Variants in TBC1D12 observed in about 807,000 individuals in gnomAD.
The protein encoded by TBC1D12 is TBC1 domain family, member 12.
In TBC1D12, 56 loss-of-function variants were observed where a neutral mutation model predicts 86.7. The observed-to-expected ratio is 0.65, with a 90% CI of 0.52 to 0.81. TBC1D12 has a LOEUF of 0.81. Ranked by LOEUF, TBC1D12 falls within the 30% of genes least tolerant of loss-of-function variation. TBC1D12 has a pLI of 0.00. For missense variants in TBC1D12, 1,023 were observed against 1,038.8 expected (o/e 0.98, Z 0.21); for synonymous variants, 421 against 411.7 (o/e 1.02, Z -0.27).
chr10:94,531,911 T>TTATGTTATGTTATGTTATG (rs1452772265), intron 12 of TBC1D12, among the ~76,000 whole-genome samples: 77 of 72,034 alleles, frequency 1.1e-3, no homozygotes, highest in East Asian at 2.0e-3. Context: ...GTTATGTTAT[T>TTATGTTATGTTATGTTATG]TTATTGTCAC....
chr10:94,403,291 C>T lies in TBC1D12; in HGVS notation c.678C>T (p.Ser226=), dbSNP rs1400080647. 7.3e-6 allele frequency: 11 copies of T among 1,500,286 alleles called. No homozygotes were observed. Among genetic ancestry groups the T allele is most frequent in the Non-Finnish European group, 9.8e-6 (11 of 1,126,394 alleles). 92.9% of individuals were successfully genotyped at this position (1,500,286 alleles called of 1,614,324 possible). A position where few individuals can be genotyped will look rare whatever the true frequency, so the allele number is the denominator to read the frequency against. The change falls in exon 1 of 13, where the codon AGC becomes AGT. Residue 226 remains serine, a synonymous_variant. Transcript: ENST00000225235. ...GSDSGDSPAS[S]CSSSEDSEQR... ...ACTCGGGGGACAGCCCCGCCAGCAG[C>T]TGCAGCAGTAGCGAGGACTCAGAGC...
At chr10:94,432,852 T>C (rs1373187127) in intron 1 of TBC1D12, among the ~76,000 whole-genome samples, 1 of 152,022 alleles carries the variant, frequency 6.6e-6, no homozygotes, top group Non-Finnish European at 1.5e-5. Flanking sequence ...CTGAAAGACT[T>C]ACTGTTATTT....
chr10:94,447,971 G>A (rs1017619264), intron 2 of TBC1D12, among the ~76,000 whole-genome samples: 11 of 150,804 alleles, frequency 7.3e-5, no homozygotes, highest in African/African-American at 7.3e-5. Flanking sequence ...TTTTATATTG[G>A]CATCTTTAAT....
chr10:94,484,721 A>G (rs1017282167), intron 3 of TBC1D12, among the ~76,000 whole-genome samples: 19 of 152,134 alleles, frequency 1.2e-4, no homozygotes, highest in Admixed American at 5.2e-4. Flanking sequence ...GATTCTTCCA[A>G]TCCATGAACA....
chr10:94,531,905 TGTTA>T (rs1842443179), intron 12 of TBC1D12, among the ~76,000 whole-genome samples: 1 of 151,418 alleles, frequency 6.6e-6, no homozygotes, highest in Non-Finnish European at 1.5e-5. Context: ...TGTTATGTTA[TGTTA>T]TTTTATTGTC....
intron 3 of TBC1D12, among the ~76,000 whole-genome samples, chr10:94,488,192 C>G (rs919832362): frequency 6.6e-6 from 1 of 150,570 alleles, no homozygotes; most frequent in African/African-American, 2.4e-5. Flanking sequence ...TCCAGGCTAG[C>G]CTGGCCAACA....
At chr10:94,494,343 A>G (rs979017033) in intron 4 of TBC1D12, among the ~76,000 whole-genome samples, 1 of 152,168 alleles carries the variant, frequency 6.6e-6, no homozygotes, top group Non-Finnish European at 1.5e-5. Context: ...ACTTAAGTTA[A>G]TGGACTGTTA....
At position 94,507,403 on chromosome 10, in the gene TBC1D12, T is replaced by C. The variant is rs921008111; in HGVS notation, c.1600+56T>C. The C allele has an allele frequency of 5.6e-6, 8 of 1,423,262 alleles. No individual in the cohort carries two copies. The Admixed American group carries it at 1.0e-4, about 18-fold the overall frequency. The allele number at this position is 1,423,262 out of a possible 1,614,324, so 88.2% of individuals were successfully genotyped here. On this transcript the variant is annotated intron_variant, in intron 7 of 12. Coordinates refer to ENST00000225235, the MANE Select transcript of TBC1D12 (RefSeq NM_015188.2). ...AGGATGAAAATTCAGATACTGAGCA[T>C]GTATCAGAAGCTGTAGTAATCGCTT...
chr10:94,523,006 C>T (rs1327662841), intron 11 of TBC1D12, among the ~76,000 whole-genome samples: 1 of 141,640 alleles, frequency 7.1e-6, no homozygotes, highest in East Asian at 2.1e-4. Flanking sequence ...GATTGCGATA[C>T]TGCACTCCAG....
intron 1 of TBC1D12, 136 bp downstream of exon 1, chr10:94,403,720 G>A: frequency 2.7e-6 from 3 of 1,102,226 alleles, no homozygotes; most frequent in Non-Finnish European, 2.4e-6. Flanking sequence ...CCCCACACGC[G>A]TCAGGACTTA....
chr10:94,468,297 A>G (rs2055853568), intron 2 of TBC1D12, among the ~76,000 whole-genome samples: 1 of 152,160 alleles, frequency 6.6e-6, no homozygotes, highest in South Asian at 2.1e-4. Flanking sequence ...CTCTTTGTGT[A>G]TATTCATGTT....
intron 2 of TBC1D12, among the ~76,000 whole-genome samples, chr10:94,447,283 A>G (rs796724495): frequency 5.3e-5 from 8 of 152,034 alleles, no homozygotes; most frequent in African/African-American, 1.9e-4. Context: ...TTTCTATTTC[A>G]AGAATGAAAT....
At chr10:94,453,809 T>G (rs2055587447) in intron 2 of TBC1D12, among the ~76,000 whole-genome samples, 1 of 152,192 alleles carries the variant, frequency 6.6e-6, no homozygotes, top group African/African-American at 2.4e-5. Context: ...AAGGTCTGTA[T>G]GTAGATTGAT....
intron 2 of TBC1D12, among the ~76,000 whole-genome samples, chr10:94,469,435 T>C (rs2055870835): frequency 6.7e-6 from 1 of 148,570 alleles, no homozygotes; most frequent in Admixed American, 6.8e-5. Context: ...TGCTAGTTTC[T>C]GGAGTTTTTT....
chr10:94,458,413 C>T (rs2055661592), intron 2 of TBC1D12, among the ~76,000 whole-genome samples: 3 of 152,094 alleles, frequency 2.0e-5, no homozygotes, highest in Admixed American at 2.0e-4. Flanking sequence ...GAAATAAATT[C>T]TTTTGAATTT....
At chr10:94,484,316 C>T (rs1321789889) in intron 3 of TBC1D12, among the ~76,000 whole-genome samples, 6 of 150,800 alleles carry the variant, frequency 4.0e-5, no homozygotes, top group Admixed American at 1.3e-4. Flanking sequence ...GCATGATCTC[C>T]GGCTCACCGC....
chr10:94,485,850 A>G (rs543625062), intron 3 of TBC1D12, among the ~76,000 whole-genome samples: 1 of 152,012 alleles, frequency 6.6e-6, no homozygotes, highest in East Asian at 1.9e-4. Context: ...GGTAGGTTGT[A>G]TGTGTCTAGG....
At chr10:94,430,824 A>G (rs140699696) in intron 1 of TBC1D12, among the ~76,000 whole-genome samples, 91 of 152,176 alleles carry the variant, frequency 6.0e-4, no homozygotes, top group African/African-American at 2.1e-3. Flanking sequence ...TTCTTTTTCA[A>G]CTATATGTTT....
intron 2 of TBC1D12, among the ~76,000 whole-genome samples, chr10:94,474,259 G>T (rs1225777737): frequency 6.6e-6 from 1 of 151,694 alleles, no homozygotes; most frequent in Admixed American, 6.6e-5. Flanking sequence ...TTAATCTAGT[G>T]TACTTCTGTC....
Sources: gnomAD v4.1 joint callset for allele counts (sites outside exome capture counted in the v4.1 genomes callset) on GRCh38, gnomAD v4.1.1 for gene constraint, MANE v1.5 for transcripts, NCBI Gene and HGNC (gene_info 2026-07-23, HGNC 2026-07-21) for gene names.